Variants in SUGCT observed in about 807,000 individuals in gnomAD.
SUGCT encodes succinyl-CoA:glutarate CoA-transferase.
SUGCT carries 41 observed loss-of-function variants against 55.0 expected under a neutral mutation model. The observed-to-expected ratio is 0.74, with a 90% CI of 0.58 to 0.97. The LOEUF is 0.97. Among genes scored for constraint, SUGCT ranks in the 50% least tolerant of loss-of-function variants. The pLI, the probability that SUGCT is intolerant of heterozygous loss-of-function variation, is 0.00. For missense variants in SUGCT, 568 were observed against 547.8 expected (o/e 1.04, Z -0.37); for synonymous variants, 187 against 200.4 (o/e 0.93, Z 0.56).
the SUGCT span, among the ~76,000 whole-genome samples, chr7:40,975,507 G>A: frequency 6.7e-4 from 102 of 152,162 alleles, no homozygotes; most frequent in African/African-American, 2.4e-3. Flanking sequence ...TTTCTTTTCT[G>A]TATATGATAC....
chr7:40,654,038 A>G (rs1247833069), intron 12 of SUGCT, among the ~76,000 whole-genome samples: 3 of 152,164 alleles, frequency 2.0e-5, no homozygotes. Flanking sequence ...GCATACATAG[A>G]AAGAAGTCAA....
At chr7:40,258,695 A>G (rs1053724575) in intron 7 of SUGCT, among the ~76,000 whole-genome samples, 1 of 152,188 alleles carries the variant, frequency 6.6e-6, no homozygotes, top group Non-Finnish European at 1.5e-5. Context: ...ATGTTTTTTC[A>G]CTGGTAATTG....
At chr7:41,031,688 T>A in the SUGCT span, among the ~76,000 whole-genome samples, 4 of 152,108 alleles carry the variant, frequency 2.6e-5, no homozygotes, top group Admixed American at 2.6e-4. Context: ...ACATTCTTCT[T>A]CCAAATTCTT....
intron 13 of SUGCT, among the ~76,000 whole-genome samples, chr7:40,785,582 G>A (rs1019651423): frequency 1.3e-5 from 2 of 152,052 alleles, no homozygotes; most frequent in Non-Finnish European, 2.9e-5. Flanking sequence ...AAGACACAGT[G>A]GCTCACAGCT....
chr7:40,672,844 A>G (rs757188967), intron 12 of SUGCT, among the ~76,000 whole-genome samples: 3 of 152,200 alleles, frequency 2.0e-5, no homozygotes, highest in Non-Finnish European at 2.9e-5. Flanking sequence ...ACATACAATA[A>G]AATGCCTCCT....
chr7:40,917,953 GATA>G, the SUGCT span, among the ~76,000 whole-genome samples: 1 of 152,060 alleles, frequency 6.6e-6, no homozygotes, highest in Non-Finnish European at 1.5e-5. Flanking sequence ...ATTTTGGCTG[GATA>G]CAATCATTCA....
At chr7:41,012,259 G>A in the SUGCT span, among the ~76,000 whole-genome samples, 3 of 151,968 alleles carry the variant, frequency 2.0e-5, no homozygotes, top group African/African-American at 7.3e-5. Context: ...GCTCACGCTC[G>A]CCTGTGCTTC....
At chr7:40,437,793 A>G (rs770678926) in intron 9 of SUGCT, among the ~76,000 whole-genome samples, 1 of 152,180 alleles carries the variant, frequency 6.6e-6, no homozygotes, top group African/African-American at 2.4e-5. Context: ...GTCTTTTTCC[A>G]GTGGGTGATG....
intron 12 of SUGCT, among the ~76,000 whole-genome samples, chr7:40,698,295 A>G (rs1785026402): frequency 6.6e-6 from 1 of 152,252 alleles, no homozygotes; most frequent in Non-Finnish European, 1.5e-5. Flanking sequence ...GGGTGAGGCC[A>G]GAAGAGGTAG....
chr7:40,681,898 C>A (rs986975021), intron 12 of SUGCT, among the ~76,000 whole-genome samples: 1 of 152,116 alleles, frequency 6.6e-6, no homozygotes, highest in Non-Finnish European at 1.5e-5. Flanking sequence ...GAACAGTGGT[C>A]AGAGTTCAGT....
intron 6 of SUGCT, among the ~76,000 whole-genome samples, chr7:40,229,003 T>C (rs988720551): frequency 2.6e-5 from 4 of 152,216 alleles, no homozygotes; most frequent in Non-Finnish European, 4.4e-5. Context: ...TGACCAATAA[T>C]TTTTGATAGC....
intron 12 of SUGCT, among the ~76,000 whole-genome samples, chr7:40,604,345 T>C (rs952011552): frequency 6.6e-6 from 1 of 152,118 alleles, no homozygotes; most frequent in African/African-American, 2.4e-5. Flanking sequence ...ATGAATCTGC[T>C]TGGTTTATTT....
intron 13 of SUGCT, among the ~76,000 whole-genome samples, chr7:40,858,545 C>A (rs1794317893): frequency 6.6e-6 from 1 of 151,872 alleles, no homozygotes; most frequent in Non-Finnish European, 1.5e-5. Flanking sequence ...TTGCTTCAAG[C>A]AGTTCTTCTT....
chr7:40,924,502 TC>T, the SUGCT span, among the ~76,000 whole-genome samples: 1 of 152,142 alleles, frequency 6.6e-6, no homozygotes, highest in Non-Finnish European at 1.5e-5. Context: ...GATCTGCCTG[TC>T]TTGGCCTCTG....
At chr7:40,337,685 G>A (rs1458180747) in intron 9 of SUGCT, among the ~76,000 whole-genome samples, 5 of 152,126 alleles carry the variant, frequency 3.3e-5, no homozygotes, top group African/African-American at 1.2e-4. Context: ...ACACTGATGG[G>A]TCTTGACTCT....
At chr7:40,361,371 G>A (rs6977384) in intron 9 of SUGCT, among the ~76,000 whole-genome samples, 4 of 151,792 alleles carry the variant, frequency 2.6e-5, no homozygotes, top group African/African-American at 9.7e-5. Flanking sequence ...TCAGGAGATC[G>A]AGACCATCCT....
intron 12 of SUGCT, among the ~76,000 whole-genome samples, chr7:40,518,806 A>G (rs989626688): frequency 5.3e-5 from 8 of 152,044 alleles, no homozygotes; most frequent in Non-Finnish European, 1.2e-4. Flanking sequence ...AGAACTCCCA[A>G]TGGCCAAAGT....
intron 9 of SUGCT, among the ~76,000 whole-genome samples, chr7:40,386,382 C>T (rs895709706): frequency 2.6e-5 from 4 of 152,144 alleles, no homozygotes; most frequent in African/African-American, 9.7e-5. Context: ...AATGGGGCTC[C>T]CTCACTCACA....
At chr7:40,350,099 G>A (rs752007896) in intron 9 of SUGCT, among the ~76,000 whole-genome samples, 7 of 151,870 alleles carry the variant, frequency 4.6e-5, no homozygotes, top group South Asian at 2.1e-4. Flanking sequence ...AAAATCTGTA[G>A]CATTTCTGCT....
Sources: allele counts gnomAD v4.1 joint callset (sites outside exome capture counted in the v4.1 genomes callset), GRCh38; gene constraint gnomAD v4.1.1; transcripts MANE v1.5; gene names NCBI Gene and HGNC (gene_info 2026-07-23, HGNC 2026-07-21).